SPOCK3: variants seen among roughly 807,000 people sequenced by gnomAD.
The protein encoded by SPOCK3 is testican-3.
A neutral mutation model predicts 56.6 loss-of-function variants in SPOCK3; 30 were observed. The ratio of observed to expected loss-of-function variants is 0.53; its 90% CI spans 0.40 to 0.72. The LOEUF (loss-of-function observed/expected upper bound fraction) is 0.72, where lower values mean the gene tolerates loss of function less well. SPOCK3 is among the 30% of genes least tolerant of loss of function. The pLI, the probability that SPOCK3 is intolerant of heterozygous loss-of-function variation, is 0.00. For missense variants in SPOCK3, 527 were observed against 530.0 expected, an observed-to-expected ratio of 0.99 and a Z score of 0.06; for synonymous variants, 196 against 183.3, an observed-to-expected ratio of 1.07 and a Z score of -0.56.
intron 6 of SPOCK3, among the ~76,000 whole-genome samples, chr4:166,804,475 C>G (rs1025068355): frequency 3.3e-5 from 5 of 152,044 alleles, no homozygotes; most frequent in Non-Finnish European, 5.9e-5. Flanking sequence ...GCAATTCAGG[C>G]CATAACAGTA....
intron 6 of SPOCK3, among the ~76,000 whole-genome samples, chr4:166,817,521 T>C (rs762111586): frequency 1.3e-5 from 2 of 151,974 alleles, no homozygotes; most frequent in Non-Finnish European, 2.9e-5. Flanking sequence ...CAGAGTAATA[T>C]CAAGTGAAAC....
intron 6 of SPOCK3, among the ~76,000 whole-genome samples, chr4:166,828,270 C>A (rs1437242426): frequency 6.6e-6 from 1 of 151,794 alleles, no homozygotes. Flanking sequence ...CATTTAGTGC[C>A]ATGATACATT....
intron 8 of SPOCK3, among the ~76,000 whole-genome samples, chr4:166,751,407 A>G (rs768660653): frequency 6.6e-6 from 1 of 152,206 alleles, no homozygotes; most frequent in South Asian, 2.1e-4. Flanking sequence ...ACTGAATAAG[A>G]CTATCCAATA....
intron 3 of SPOCK3, among the ~76,000 whole-genome samples, chr4:167,048,008 T>A (rs1314792318): frequency 6.6e-6 from 1 of 152,058 alleles, no homozygotes; most frequent in Admixed American, 6.6e-5. Flanking sequence ...CAAGATCGTG[T>A]CACTGCACTC....
At chr4:166,901,007 G>C (rs1735991753) in intron 5 of SPOCK3, among the ~76,000 whole-genome samples, 2 of 152,140 alleles carry the variant, frequency 1.3e-5, no homozygotes, top group African/African-American at 4.8e-5. Flanking sequence ...AGTGTTGCAA[G>C]TGTCTTAAAG....
intron 3 of SPOCK3, among the ~76,000 whole-genome samples, chr4:167,009,485 C>T (rs889781133): frequency 2.6e-5 from 4 of 152,086 alleles, no homozygotes; most frequent in South Asian, 2.1e-4. Flanking sequence ...ATTACTTTCA[C>T]GGTGTAAAAA....
At chr4:166,873,713 C>T (rs562804907) in intron 6 of SPOCK3, among the ~76,000 whole-genome samples, 3 of 152,058 alleles carry the variant, frequency 2.0e-5, no homozygotes, top group South Asian at 2.1e-4. Flanking sequence ...TAGTTTGATT[C>T]CTGACCAATA....
chr4:166,910,331 GTAAA>G (rs1220365519), intron 5 of SPOCK3, among the ~76,000 whole-genome samples: 8 of 152,094 alleles, frequency 5.3e-5, no homozygotes, highest in African/African-American at 1.9e-4. Context: ...TGACATTTAT[GTAAA>G]TAAATATTAA....
chr4:167,205,011 T>G (rs1480023231), intron 2 of SPOCK3, among the ~76,000 whole-genome samples: 1 of 146,956 alleles, frequency 6.8e-6, no homozygotes, highest in Non-Finnish European at 1.5e-5. Flanking sequence ...CTATTTTTTT[T>G]TTTGGTAGAG....
chr4:166,955,560 T>TTAATATAATCAAATTAG (rs1743326690), intron 4 of SPOCK3, among the ~76,000 whole-genome samples: 2 of 117,298 alleles, frequency 1.7e-5, no homozygotes, highest in Non-Finnish European at 1.7e-5. Context: ...TATATTATAT[T>TTAATATAATCAAATTAG]ATTAAATTTA....
intron 4 of SPOCK3, among the ~76,000 whole-genome samples, chr4:166,968,827 T>C (rs1031208693): frequency 1.3e-5 from 2 of 152,094 alleles, no homozygotes; most frequent in African/African-American, 2.4e-5. Flanking sequence ...GACTTCACAA[T>C]GGTACATCCA....
intron 2 of SPOCK3, among the ~76,000 whole-genome samples, chr4:167,116,005 A>C (rs1056927804): frequency 6.6e-5 from 10 of 152,064 alleles, no homozygotes; most frequent in Admixed American, 6.6e-4. Flanking sequence ...AACAGAGAAA[A>C]GCACTAAAAT....
At chr4:167,086,100 A>T (rs1436359313) in intron 2 of SPOCK3, among the ~76,000 whole-genome samples, 2 of 152,082 alleles carry the variant, frequency 1.3e-5, no homozygotes, top group Non-Finnish European at 2.9e-5. Flanking sequence ...ACCATTTTTC[A>T]ACAAATAAGC....
At chr4:166,964,922 G>A (rs1168045647) in intron 4 of SPOCK3, among the ~76,000 whole-genome samples, 2 of 151,816 alleles carry the variant, frequency 1.3e-5, no homozygotes, top group African/African-American at 4.8e-5. Flanking sequence ...GCCCAGGAAT[G>A]TGAACAACTG....
At chr4:167,155,374 TC>T (rs759377281) in intron 2 of SPOCK3, among the ~76,000 whole-genome samples, 35 of 152,062 alleles carry the variant, frequency 2.3e-4, no homozygotes, top group South Asian at 2.1e-4. Context: ...CGCCTCGGCC[TC>T]CCAAAGAGCT....
intron 4 of SPOCK3, among the ~76,000 whole-genome samples, chr4:166,954,043 C>A (rs1049913287): frequency 6.6e-6 from 1 of 151,936 alleles, no homozygotes; most frequent in Non-Finnish European, 1.5e-5. Context: ...ATGTAACTAA[C>A]CTGCACATTG....
chr4:167,223,497 A>G (rs1472123779), intron 2 of SPOCK3, among the ~76,000 whole-genome samples: 1 of 151,558 alleles, frequency 6.6e-6, no homozygotes, highest in Non-Finnish European at 1.5e-5. Context: ...AAGAAGCATT[A>G]CTCTTCTGTG....
chr4:166,931,125 G>C (rs919764468), intron 4 of SPOCK3, among the ~76,000 whole-genome samples: 1 of 152,114 alleles, frequency 6.6e-6, no homozygotes, highest in African/African-American at 2.4e-5. Context: ...GAGATGACAG[G>C]CGCCCGCCAC....
chr4:167,130,754 T>C (rs1762640275), intron 2 of SPOCK3, among the ~76,000 whole-genome samples: 1 of 152,150 alleles, frequency 6.6e-6, no homozygotes, highest in African/African-American at 2.4e-5. Flanking sequence ...ATCAGTTTTG[T>C]CTTACAGTCA....
Sources: allele counts gnomAD v4.1 joint callset (sites outside exome capture counted in the v4.1 genomes callset), GRCh38; gene constraint gnomAD v4.1.1; transcripts MANE v1.5; gene names NCBI Gene and HGNC (gene_info 2026-07-23, HGNC 2026-07-21).